The following OPCML variants were observed in gnomAD, a reference collection of about 807,000 sequenced individuals.
OPCML encodes opioid binding protein/cell adhesion molecule like, also known as opioid-binding protein/cell adhesion molecule.
A neutral mutation model predicts 37.8 loss-of-function variants in OPCML; 13 were observed. The observed-to-expected ratio is 0.34, with a 90% confidence interval of 0.22 to 0.55. The LOEUF (loss-of-function observed/expected upper bound fraction) is 0.55, where lower values mean the gene tolerates loss of function less well. Among genes scored for constraint, OPCML ranks in the 20% least tolerant of loss-of-function variants. The pLI is 0.91. For missense variants in OPCML, 341 were observed against 435.6 expected, an observed-to-expected ratio of 0.78 and a Z score of 1.93; for synonymous variants, 176 against 168.8, an observed-to-expected ratio of 1.04 and a Z score of -0.33.
chr11:132,874,122 A>G (rs1161847004), intron 2 of OPCML, among the ~76,000 whole-genome samples: 1 of 152,160 alleles, frequency 6.6e-6, no homozygotes, highest in Admixed American at 6.5e-5. Flanking sequence ...GTCTCTGTCT[A>G]TGTTTAATGA....
chr11:133,400,610 T>C (rs923959887), intron 1 of OPCML, among the ~76,000 whole-genome samples: 3 of 152,208 alleles, frequency 2.0e-5, no homozygotes, highest in Non-Finnish European at 4.4e-5. Context: ...GCAAACTTTA[T>C]GTTATGTTAC....
chr11:132,835,158 A>G (rs10791256), intron 2 of OPCML, among the ~76,000 whole-genome samples: 45,317 of 152,100 alleles, frequency 0.3, 7,965 homozygotes, highest in Non-Finnish European at 0.41. Context: ...ATAAACCAGC[A>G]TGATGGCATA....
chr11:132,761,576 C>T (rs1245417998), intron 2 of OPCML, among the ~76,000 whole-genome samples: 1 of 151,884 alleles, frequency 6.6e-6, no homozygotes, highest in Admixed American at 6.6e-5. Context: ...TCTCTGATAT[C>T]TTTTCTTCTG....
At chr11:133,110,120 C>T (rs1337838745) in intron 1 of OPCML, among the ~76,000 whole-genome samples, 1 of 152,120 alleles carries the variant, frequency 6.6e-6, no homozygotes, top group East Asian at 1.9e-4. Flanking sequence ...ATATTTCAAT[C>T]CAAAAAGTCC....
intron 2 of OPCML, among the ~76,000 whole-genome samples, chr11:132,793,811 C>G (rs1168132232): frequency 6.6e-6 from 1 of 152,202 alleles, no homozygotes; most frequent in Non-Finnish European, 1.5e-5. Context: ...CTGCTGAGTT[C>G]GCACTAACGA....
At chr11:132,905,820 G>A (rs1944221491) in intron 2 of OPCML, among the ~76,000 whole-genome samples, 2 of 152,160 alleles carry the variant, frequency 1.3e-5, no homozygotes, top group South Asian at 2.1e-4. Flanking sequence ...TGTATAATGG[G>A]AATAATACCA....
intron 1 of OPCML, among the ~76,000 whole-genome samples, chr11:133,267,895 T>A (rs964936436): frequency 1.3e-5 from 2 of 152,176 alleles, no homozygotes; most frequent in African/African-American, 2.4e-5. Flanking sequence ...TTGGGAGGCC[T>A]CCCCAGCCAT....
At chr11:133,215,203 A>AGTGT (rs566797124) in intron 1 of OPCML, among the ~76,000 whole-genome samples, 221 of 148,946 alleles carry the variant, frequency 1.5e-3, no homozygotes, top group African/African-American at 5.3e-3. Flanking sequence ...AGAGAGAGAG[A>AGTGT]GAGTGTGTGT....
rs1447187922 is a variant in OPCML, at chr11:133,208,541, T to C, written c.62-265531A>G. On this transcript the variant is annotated intron_variant, in intron 1 of 7. Transcript: ENST00000524381. This position sits in a 1 kb window ranked among gnomAD's most constrained non-coding sequence, Gnocchi z 8.9. ...GTCAGTAGGGCATCGTAAATATAAT[T>C]CCAATGCTGGCTATCCACATATGTG... Among the ~76,000 whole-genome samples, 1 of 152,182 alleles carries C rather than the reference T, an allele frequency of 6.6e-6. No individual in the cohort carries two copies. The highest frequency in any genetic ancestry group is 6.5e-5 in the Admixed American group (1 of 15,282).
intron 1 of OPCML, among the ~76,000 whole-genome samples, chr11:133,372,981 G>C (rs1944705551): frequency 6.6e-6 from 1 of 151,838 alleles, no homozygotes; most frequent in Non-Finnish European, 1.5e-5. Flanking sequence ...TTTTCTTTCT[G>C]TATACCAAAA....
intron 3 of OPCML, among the ~76,000 whole-genome samples, chr11:132,637,549 T>C (rs1453828511): frequency 6.6e-6 from 1 of 152,212 alleles, no homozygotes; most frequent in South Asian, 2.1e-4. Flanking sequence ...CTATCTTTGA[T>C]GCTGAATTTT....
At chr11:133,515,216 T>C (rs575151885) in intron 1 of OPCML, among the ~76,000 whole-genome samples, 3 of 152,300 alleles carry the variant, frequency 2.0e-5, no homozygotes, top group Admixed American at 2.0e-4. Flanking sequence ...GAGAAGGCCA[T>C]CTTCCACCAG....
intron 1 of OPCML, among the ~76,000 whole-genome samples, chr11:133,138,698 A>C (rs978069935): frequency 6.6e-6 from 1 of 152,036 alleles, no homozygotes; most frequent in Non-Finnish European, 1.5e-5. Context: ...AACATCTCCC[A>C]CCCCACTCCT....
chr11:133,407,376 A>G (rs1001071056), intron 1 of OPCML, among the ~76,000 whole-genome samples: 2 of 152,164 alleles, frequency 1.3e-5, no homozygotes, highest in African/African-American at 2.4e-5. Flanking sequence ...TTGTGCGTAC[A>G]TGTGAATTGC....
intron 2 of OPCML, among the ~76,000 whole-genome samples, chr11:132,689,040 C>A (rs1319654024): frequency 6.6e-6 from 1 of 151,276 alleles, no homozygotes; most frequent in African/African-American, 2.4e-5. Flanking sequence ...AATGAGCTGA[C>A]TGTGCTCTTT....
intron 1 of OPCML, chr11:133,024,602 T>C: frequency 1.0e-6 from 1 of 972,464 alleles, no homozygotes; most frequent in East Asian, 1.1e-4. Context: ...GAATATTTAA[T>C]TGCAACTTGC....
intron 2 of OPCML, among the ~76,000 whole-genome samples, chr11:132,814,589 G>A (rs750765958): frequency 2.0e-5 from 3 of 152,148 alleles, no homozygotes; most frequent in Non-Finnish European, 4.4e-5. Context: ...ATTAAAAAGG[G>A]CATTCTAGTT....
At chr11:132,870,767 T>C (rs1942764487) in intron 2 of OPCML, among the ~76,000 whole-genome samples, 1 of 152,164 alleles carries the variant, frequency 6.6e-6, no homozygotes, top group Non-Finnish European at 1.5e-5. Flanking sequence ...TCAATGAACC[T>C]AGAGTACATT....
chr11:132,479,367 G>A (rs571043007), intron 4 of OPCML, among the ~76,000 whole-genome samples: 5 of 152,210 alleles, frequency 3.3e-5, no homozygotes, highest in Non-Finnish European at 7.3e-5. Flanking sequence ...GTGGCTCGGA[G>A]GGTCCTATGC....
Sources: allele counts gnomAD v4.1 joint callset (sites outside exome capture counted in the v4.1 genomes callset), GRCh38; gene constraint gnomAD v4.1.1; non-coding constraint Gnocchi (gnomAD v3.1); transcripts MANE v1.5; gene names NCBI Gene and HGNC (gene_info 2026-07-23, HGNC 2026-07-21).